NBEA: variants seen among roughly 807,000 people sequenced by gnomAD.
The protein encoded by NBEA is neurobeachin.
NBEA carries 44 observed loss-of-function variants against 343.4 expected under a neutral mutation model. That is an observed-to-expected ratio of 0.13 (90% CI 0.10 to 0.16). The LOEUF is 0.16. NBEA is among the 10% of genes least tolerant of loss of function. The pLI is 1.00. For missense variants in NBEA, 2,555 were observed against 3,631.3 expected (o/e 0.70, Z 7.62); for synonymous variants, 1,175 against 1,238.7 (o/e 0.95, Z 1.08).
chr13:35,071,938 T>C (rs2063891341), intron 10 of NBEA, among the ~76,000 whole-genome samples: 1 of 152,044 alleles, frequency 6.6e-6, no homozygotes, highest in Non-Finnish European at 1.5e-5. Flanking sequence ...TTTATATCAA[T>C]ATAGTGTAAA....
chr13:35,325,448 A>G (rs989835392), intron 36 of NBEA, among the ~76,000 whole-genome samples: 6 of 152,140 alleles, frequency 3.9e-5, no homozygotes, highest in African/African-American at 1.4e-4. Flanking sequence ...AAATAATACC[A>G]ATATACTGAA....
intron 34 of NBEA, among the ~76,000 whole-genome samples, chr13:35,268,253 A>T (rs183548097): frequency 1.4e-3 from 219 of 152,220 alleles, no homozygotes; most frequent in Admixed American, 3.5e-3. Flanking sequence ...CCTGTCACAG[A>T]AAGGCAAATG....
At chr13:35,111,085 T>G (rs1176263445) in intron 13 of NBEA, 107 bp downstream of exon 13, 2 of 921,292 alleles carry the variant, frequency 2.2e-6, no homozygotes, top group African/African-American at 3.4e-5. Flanking sequence ...TGAAATGTTT[T>G]CTTTCTTATA....
chr13:35,582,375 A>C (rs2081093960), intron 45 of NBEA, among the ~76,000 whole-genome samples: 1 of 152,154 alleles, frequency 6.6e-6, no homozygotes, highest in South Asian at 2.1e-4. Context: ...ACTTTATAGC[A>C]ATTACTTTTA....
At chr13:35,452,569 C>T (rs1381594946) in intron 40 of NBEA, among the ~76,000 whole-genome samples, 1 of 152,236 alleles carries the variant, frequency 6.6e-6, no homozygotes, top group East Asian at 1.9e-4. Context: ...CATTGATTTA[C>T]GTGTATCTCC....
rs749245471 is a variant in NBEA at position 35,044,908 on chromosome 13, C to G, written c.527-39C>G. ...TATATTACCTTGACAGATGGCAGCTCATGACTAGAGTTCAGAATAACTTTA... is the reference window on the plus strand; with the variant it reads ...TATATTACCTTGACAGATGGCAGCTGATGACTAGAGTTCAGAATAACTTTA... On this transcript the variant is annotated intron_variant, in intron 2 of 58. Coordinates refer to ENST00000379939, the MANE Select transcript of NBEA (RefSeq NM_001385012.1). 4.6e-6 allele frequency: 7 copies of G among 1,511,626 alleles called. No individual in the cohort carries two copies. The South Asian group carries it at 8.3e-5, about 18-fold the overall frequency. 93.6% of individuals were successfully genotyped at this position (1,511,626 alleles called of 1,614,324 possible).
intron 41 of NBEA, among the ~76,000 whole-genome samples, chr13:35,488,206 C>T (rs1437202533): frequency 6.6e-6 from 1 of 151,828 alleles, no homozygotes; most frequent in Non-Finnish European, 1.5e-5. Flanking sequence ...TCATAAGCTA[C>T]ACATAGAATA....
chr13:35,532,145 A>G (rs9315349), intron 41 of NBEA, among the ~76,000 whole-genome samples: 34,506 of 152,118 alleles, frequency 0.23, 4,419 homozygotes, highest in East Asian at 0.43. Flanking sequence ...TTTGGAGCTA[A>G]AAAGTTGAAG....
intron 8 of NBEA, among the ~76,000 whole-genome samples, chr13:35,066,073 T>G (rs2063641876): frequency 6.6e-6 from 1 of 152,072 alleles, no homozygotes; most frequent in Admixed American, 6.6e-5. Context: ...GCTATCCTCC[T>G]GCCTCAGCTC....
intron 1 of NBEA, among the ~76,000 whole-genome samples, chr13:34,980,652 G>A (rs1359264690): frequency 6.6e-6 from 1 of 151,964 alleles, no homozygotes; most frequent in East Asian, 1.9e-4. Context: ...GAATGTCGGT[G>A]ATGAAAATGA....
chr13:35,156,302 T>G, intron 20 of NBEA, 96 bp downstream of exon 20: 1 of 1,231,240 alleles, frequency 8.1e-7, no homozygotes, highest in East Asian at 2.9e-5. Flanking sequence ...TCCATATTGC[T>G]AAATACTTTT....
chr13:35,289,241 T>C (rs1231576227), intron 34 of NBEA, among the ~76,000 whole-genome samples: 1 of 151,882 alleles, frequency 6.6e-6, no homozygotes, highest in African/African-American at 2.4e-5. Context: ...CCTGCCTTAC[T>C]GTATGATGCT....
intron 41 of NBEA, among the ~76,000 whole-genome samples, chr13:35,512,666 T>C (rs1488525901): frequency 6.6e-6 from 1 of 152,216 alleles, no homozygotes; most frequent in Non-Finnish European, 1.5e-5. Context: ...TCAGCTTCAG[T>C]TCCTACTGCC....
At chr13:35,665,018 A>G in intron 55 of NBEA, 67 bp from the exon 56 acceptor site, 2 of 1,058,162 alleles carry the variant, frequency 1.9e-6, no homozygotes, top group Non-Finnish European at 2.9e-6. Context: ...TGAATATTGC[A>G]TTGCTGGTGT....
intron 34 of NBEA, among the ~76,000 whole-genome samples, chr13:35,282,868 G>A (rs2035148419): frequency 1.3e-5 from 2 of 152,090 alleles, no homozygotes; most frequent in African/African-American, 4.8e-5. Context: ...TGAGACCGAA[G>A]ACTGTATCAT....
At chr13:35,578,035 G>A (rs2080831063) in intron 45 of NBEA, among the ~76,000 whole-genome samples, 1 of 152,190 alleles carries the variant, frequency 6.6e-6, no homozygotes, top group Non-Finnish European at 1.5e-5. Flanking sequence ...CCTCTTCTAA[G>A]GATTTTCAAG....
At chr13:35,456,286 G>A (rs9544402) in intron 40 of NBEA, among the ~76,000 whole-genome samples, 112 of 151,866 alleles carry the variant, frequency 7.4e-4, no homozygotes, top group African/African-American at 2.5e-3. Context: ...CAAGCTGTTC[G>A]TCTCAAGAGG....
intron 10 of NBEA, among the ~76,000 whole-genome samples, chr13:35,075,281 T>C (rs1414052606): frequency 6.6e-6 from 1 of 152,178 alleles, no homozygotes; most frequent in Admixed American, 6.6e-5. Context: ...GTATCTGTCA[T>C]AGCGTCTGTA....
At position 35,550,935 on chromosome 13, in the gene NBEA, G is replaced by C. The variant is rs766881361; in HGVS notation, c.6709G>C (p.Val2237Leu). The C allele has an allele frequency of 5.6e-6, 9 of 1,599,480 alleles. No individual in the cohort carries two copies. Among genetic ancestry groups the C allele is most frequent in the Non-Finnish European group, 7.7e-6 (9 of 1,168,552 alleles). ...LEVFMANRTS[V>L]MFNFPDQATV... ...TTTTTTTCTTCTTACCACAGCCTCA[G>C]TTATGTTTAATTTCCCTGATCAAGC... is the stretch of plus-strand genomic sequence containing the variant. The change falls in exon 43 of 59, where the codon GTT (valine) becomes CTT (leucine). Residue 2237 changes from valine to leucine, a missense_variant. Val to Leu is a conservative substitution (Grantham distance 32). Transcript: ENST00000379939.
Sources: allele counts gnomAD v4.1 joint callset (sites outside exome capture counted in the v4.1 genomes callset), GRCh38; gene constraint gnomAD v4.1.1; transcripts MANE v1.5; gene names NCBI Gene and HGNC (gene_info 2026-07-23, HGNC 2026-07-21).